Variants in PTGER3 observed in about 807,000 individuals in gnomAD.
PTGER3 encodes prostaglandin E receptor 3, also known as prostaglandin E2 receptor EP3 subtype.
PTGER3 carries 22 observed loss-of-function variants against 34.7 expected under a neutral mutation model. The ratio of observed to expected loss-of-function variants is 0.63; its 90% CI spans 0.45 to 0.91. The LOEUF (loss-of-function observed/expected upper bound fraction) is 0.91, where lower values mean the gene tolerates loss of function less well. PTGER3 is among the 40% of genes least tolerant of loss of function. The pLI is 0.00. For synonymous variants in PTGER3, 241 were observed against 230.1 expected (o/e 1.05, Z -0.43); for missense variants, 468 against 519.4 (o/e 0.90, Z 0.96).
chr1:70,923,492 T>C (rs192461298), intron 4 of PTGER3, among the ~76,000 whole-genome samples: 2 of 152,268 alleles, frequency 1.3e-5, no homozygotes, highest in Admixed American at 6.5e-5. Context: ...CAGGTGTTCT[T>C]AAATGGAGGT....
intron 4 of PTGER3, among the ~76,000 whole-genome samples, chr1:70,939,088 G>A (rs960965944): frequency 2.6e-5 from 4 of 152,172 alleles, no homozygotes; most frequent in Non-Finnish European, 5.9e-5. Context: ...AGGGGTACAA[G>A]TATTAGATAA....
At chr1:70,942,143 G>A (rs1321677424) in intron 4 of PTGER3, among the ~76,000 whole-genome samples, 1 of 152,102 alleles carries the variant, frequency 6.6e-6, no homozygotes, top group Non-Finnish European at 1.5e-5. Context: ...CAGCAGGAGT[G>A]AAGTGTGCCA....
intron 2 of PTGER3, among the ~76,000 whole-genome samples, chr1:70,985,180 A>C (rs1654796112): frequency 6.6e-6 from 1 of 152,150 alleles, no homozygotes; most frequent in Admixed American, 6.5e-5. Flanking sequence ...CAAAATCCAG[A>C]AGCGGGAGAA....
chr1:70,976,372 T>C (rs1281841173), intron 2 of PTGER3, among the ~76,000 whole-genome samples: 1 of 152,128 alleles, frequency 6.6e-6, no homozygotes, highest in Non-Finnish European at 1.5e-5. Context: ...TGTAGATTCA[T>C]CAATTGCAAT....
At chr1:70,867,024 C>T (rs1646057064) in intron 4 of PTGER3, among the ~76,000 whole-genome samples, 1 of 152,218 alleles carries the variant, frequency 6.6e-6, no homozygotes, top group African/African-American at 2.4e-5. Flanking sequence ...ATTGCCTCAA[C>T]CTGCCTTTAC....
chr1:70,941,773 C>T (rs1268722606), intron 4 of PTGER3, among the ~76,000 whole-genome samples: 1 of 152,186 alleles, frequency 6.6e-6, no homozygotes, highest in Non-Finnish European at 1.5e-5. Flanking sequence ...CTCCTACTAG[C>T]ACTGCCTTAA....
At chr1:70,950,926 G>A (rs990810676), downstream of PTGER3, 1 of 152,108 alleles carries the variant, frequency 6.6e-6, no homozygotes, top group African/African-American at 2.4e-5. Context: ...ATGTTGACCA[G>A]GCTGGCCTAA....
At chr1:70,904,746 A>T (rs1042398897) in intron 4 of PTGER3, among the ~76,000 whole-genome samples, 1 of 152,228 alleles carries the variant, frequency 6.6e-6, no homozygotes, top group Non-Finnish European at 1.5e-5. Context: ...AGGGAAGCAG[A>T]GCATAAAAGT....
At chr1:70,879,931 A>G (rs1646354119) in intron 4 of PTGER3, among the ~76,000 whole-genome samples, 1 of 152,030 alleles carries the variant, frequency 6.6e-6, no homozygotes, top group African/African-American at 2.4e-5. Flanking sequence ...TGTCTCTACT[A>G]AAAATATAAA....
intron 4 of PTGER3, among the ~76,000 whole-genome samples, chr1:70,893,099 A>G (rs1014103124): frequency 2.6e-5 from 4 of 152,204 alleles, no homozygotes; most frequent in African/African-American, 4.8e-5. Context: ...CTAGTTTACC[A>G]GCTTTTCTCA....
At chr1:70,876,173 C>A (rs1200580089) in intron 4 of PTGER3, among the ~76,000 whole-genome samples, 2 of 151,838 alleles carry the variant, frequency 1.3e-5, no homozygotes, top group African/African-American at 4.8e-5. Flanking sequence ...CTTGATTTGC[C>A]TTTCTCTGCT....
intron 4 of PTGER3, among the ~76,000 whole-genome samples, chr1:70,888,923 A>G (rs1164961749): frequency 6.6e-6 from 1 of 152,214 alleles, no homozygotes; most frequent in African/African-American, 2.4e-5. Context: ...AATTTGCAGC[A>G]GCCCTGAGAT....
chr1:70,869,286 C>T (rs1228738664), intron 4 of PTGER3: 14 of 471,588 alleles, frequency 3.0e-5, no homozygotes, highest in Non-Finnish European at 6.2e-5. Context: ...TGCCTCCATG[C>T]ATGACAAAAA....
At chr1:70,974,270 TA>T (rs778003879) in intron 3 of PTGER3, 26 bp downstream of exon 3, 1 of 1,611,996 alleles carries the variant, frequency 6.2e-7, no homozygotes, top group Non-Finnish European at 8.5e-7. Flanking sequence ...GGCTATGCTA[TA>T]AATCCCGGCA....
intron 4 of PTGER3, among the ~76,000 whole-genome samples, chr1:70,928,117 C>T (rs972065869): frequency 1.5e-4 from 19 of 125,218 alleles, no homozygotes; most frequent in Non-Finnish European, 8.3e-5. Flanking sequence ...GAAATCCATT[C>T]ATCATATATA....
At chr1:70,944,730 T>C (rs140742054) in intron 4 of PTGER3, among the ~76,000 whole-genome samples, 41 of 152,242 alleles carry the variant, frequency 2.7e-4, no homozygotes, top group African/African-American at 8.2e-4. Flanking sequence ...TGAATGAAGA[T>C]GAAAAATGCT....
At chr1:71,045,581 C>CA (rs1424268108) in intron 1 of PTGER3, among the ~76,000 whole-genome samples, 3 of 152,090 alleles carry the variant, frequency 2.0e-5, no homozygotes, top group Admixed American at 6.6e-5. Context: ...GTAACACAGA[C>CA]AAAAAAACCT....
intron 4 of PTGER3, among the ~76,000 whole-genome samples, chr1:70,874,134 T>A (rs1424649010): frequency 1.3e-5 from 2 of 152,122 alleles, no homozygotes; most frequent in Admixed American, 1.3e-4. Flanking sequence ...CTTTAAGTAT[T>A]TGTTTTTCTT....
rs113391864 is a variant in PTGER3, at chr1:70,981,404, C to T, written c.1078-7016G>A. On this transcript the variant is annotated intron_variant, in intron 2 of 3. Transcript: ENST00000306666. ...CTTTCTTTCTTTCTTTCCTTCCTTC[C>T]TTCCTTCCTTCCTTCTTTCTTTTCT... Among the ~76,000 whole-genome samples the T allele has an allele frequency of 1.8e-3, 151 of 81,990 alleles. 2 individuals carry two copies. The highest frequency in any genetic ancestry group is 0.016 in the East Asian group (29 of 1,850). 53.8% of individuals were successfully genotyped at this position (81,990 alleles called of 152,430 possible). A position where few individuals can be genotyped will look rare whatever the true frequency, so the allele number is the denominator to read the frequency against.
Sources: allele counts gnomAD v4.1 joint callset (sites outside exome capture counted in the v4.1 genomes callset), GRCh38; gene constraint gnomAD v4.1.1; transcripts MANE v1.5; gene names NCBI Gene and HGNC (gene_info 2026-07-23, HGNC 2026-07-21).